Variants in TSG101 observed in about 807,000 individuals in gnomAD.
TSG101 encodes tumor susceptibility 101.
TSG101 carries 19 observed loss-of-function variants against 48.5 expected under a neutral mutation model. That is an observed-to-expected ratio of 0.39 (90% CI 0.27 to 0.58). The LOEUF is 0.58. TSG101 is among the 20% of genes least tolerant of loss of function. TSG101 has a pLI of 0.55. For synonymous variants in TSG101, 174 were observed against 169.4 expected, an observed-to-expected ratio of 1.03 and a Z score of -0.21; for missense variants, 365 against 484.4, an observed-to-expected ratio of 0.75 and a Z score of 2.31.
intron 7 of TSG101, among the ~76,000 whole-genome samples, chr11:18,488,839 T>C (rs2133906136): frequency 6.6e-6 from 1 of 152,050 alleles, no homozygotes; most frequent in Middle Eastern, 3.4e-3. Flanking sequence ...AAAAGGATGA[T>C]GGGGGGCCGG....
intron 7 of TSG101, among the ~76,000 whole-genome samples, chr11:18,484,796 G>T (rs561204948): frequency 7.9e-5 from 12 of 152,244 alleles, no homozygotes; most frequent in Middle Eastern, 6.8e-3. Context: ...ATATAAGTTT[G>T]GGTATTCTTT....
chr11:18,505,915 T>A (rs1190213479), intron 6 of TSG101, among the ~76,000 whole-genome samples: 5 of 152,000 alleles, frequency 3.3e-5, no homozygotes, highest in African/African-American at 1.2e-4. Context: ...CCTCCTGGGT[T>A]CAAGCAATTC....
At chr11:18,482,495 C>CA (rs1332165122) in intron 8 of TSG101, among the ~76,000 whole-genome samples, 1 of 152,184 alleles carries the variant, frequency 6.6e-6, no homozygotes, top group Non-Finnish European at 1.5e-5. Context: ...ACTATTCCAT[C>CA]AAAAACACAC....
chr11:18,502,056 A>G (rs1271762591), intron 7 of TSG101, among the ~76,000 whole-genome samples: 4 of 152,210 alleles, frequency 2.6e-5, no homozygotes, highest in African/African-American at 9.6e-5. Flanking sequence ...GAAGAAAATT[A>G]TATTTCAGGT....
Position 18,490,360 on chromosome 11 carries a change from A to G in TSG101, c.641-6288T>C, listed in dbSNP as rs147733177. ...TAAGACTCTTCATTCAGTGTATCCA[A>G]TTCAGTAATTGCTTCATCAAATACT... is the stretch of plus-strand genomic sequence containing the variant. On this transcript the variant is annotated intron_variant, in intron 7 of 9. Coordinates refer to ENST00000251968, the MANE Select transcript of TSG101 (RefSeq NM_006292.4). The G allele has an allele frequency of 1.0e-4, 61 of 604,088 alleles. No homozygotes were observed. The African/African-American group carries it at 1.0e-3, about 10-fold the overall frequency. 37.4% of individuals were successfully genotyped at this position (604,088 alleles called of 1,614,324 possible).
chr11:18,487,243 C>A (rs1849632373), intron 7 of TSG101, among the ~76,000 whole-genome samples: 1 of 147,626 alleles, frequency 6.8e-6, no homozygotes. Context: ...GCACATGTAC[C>A]CTAAAACTTA....
chr11:18,515,584 T>C (rs1850157187), intron 3 of TSG101, among the ~76,000 whole-genome samples: 1 of 152,242 alleles, frequency 6.6e-6, no homozygotes, highest in Non-Finnish European at 1.5e-5. Flanking sequence ...GCTTATTATA[T>C]TCCAGGCTCT....
rs1376547862 is a variant in TSG101, at chr11:18,490,948, T to C, written c.641-6876A>G. The C allele has an allele frequency of 3.4e-5, 11 of 322,448 alleles. No individual in the cohort carries two copies. In the East Asian group the frequency reaches 7.7e-4, roughly 23 times the overall value. 20.0% of individuals were successfully genotyped at this position (322,448 alleles called of 1,614,324 possible). A position where few individuals can be genotyped will look rare whatever the true frequency, so the allele number is the denominator to read the frequency against. ...TTGGCTTTCTGTACCAGCTCACTTT[T>C]ATCCAGTCGTTCCCGTGGGAGGGCT... On this transcript the variant is annotated intron_variant, in intron 7 of 9. Coordinates refer to ENST00000251968, the MANE Select transcript of TSG101 (RefSeq NM_006292.4).
intron 1 of TSG101, among the ~76,000 whole-genome samples, chr11:18,523,474 G>A (rs1212893350): frequency 6.6e-6 from 1 of 152,030 alleles, no homozygotes; most frequent in African/African-American, 2.4e-5. Flanking sequence ...AACAGTGAGG[G>A]ACATATCAAT....
intron 1 of TSG101, among the ~76,000 whole-genome samples, chr11:18,521,357 T>TC (rs1281983404): frequency 6.9e-6 from 1 of 145,384 alleles, no homozygotes; most frequent in Non-Finnish European, 1.5e-5. Context: ...CCAAACTGAT[T>TC]CCTTTTTTTT....
chr11:18,500,790 T>C (rs534787431), intron 7 of TSG101, among the ~76,000 whole-genome samples: 18 of 150,698 alleles, frequency 1.2e-4, no homozygotes, highest in African/African-American at 4.3e-4. Flanking sequence ...TTGTTGACTA[T>C]CTCCTTTGTT....
At position 18,483,971 on chromosome 11, in the gene TSG101, G is replaced by A. The variant is rs763982196; in HGVS notation, c.742C>T (p.Arg248Cys). 14 of 1,614,002 alleles carry A rather than the reference G, an allele frequency of 8.7e-6. No individual in the cohort carries two copies. The highest frequency in any genetic ancestry group is 5.3e-5 in the African/African-American group (4 of 74,902). Reference sequence around the variant, plus strand: ...AAGGCATTGAGCTCTGCCTGGGCACGATCCATTTCCTCCTTCATCCGCCAT... The same window carrying A: ...AAGGCATTGAGCTCTGCCTGGGCACAATCCATTTCCTCCTTCATCCGCCAT... ...LRWRMKEEMD[R>C]AQAELNALKR... The change falls in exon 8 of 10, where the codon CGT becomes TGT. Residue 248 changes from arginine to cysteine, a missense_variant. Coordinates refer to ENST00000251968, the MANE Select transcript of TSG101 (RefSeq NM_006292.4).
intron 7 of TSG101, among the ~76,000 whole-genome samples, chr11:18,501,271 C>T (rs1849882414): frequency 6.6e-6 from 1 of 152,160 alleles, no homozygotes; most frequent in South Asian, 2.1e-4. Context: ...AGTCTTTAAT[C>T]CATCTCAAGT....
At chr11:18,507,658 A>T (rs1355202606) in intron 5 of TSG101, 1 of 150,976 alleles carries the variant, frequency 6.6e-6, no homozygotes, top group Non-Finnish European at 1.5e-5. Context: ...ACAAAAAAAA[A>T]TAGTAAAGAA....
intron 8 of TSG101, 65 bp downstream of exon 8, chr11:18,483,803 CAT>C (rs1849581060): frequency 6.5e-7 from 1 of 1,539,662 alleles, no homozygotes; most frequent in Non-Finnish European, 8.9e-7. Flanking sequence ...ATCCAGGGAA[CAT>C]ATAGAACACT....
chr11:18,524,439 G>A lies in TSG101; in HGVS notation c.42+2336C>T, dbSNP rs144601860. On this transcript the variant is annotated intron_variant, in intron 1 of 9. Transcript: ENST00000251968. ...CAATAATGACCTTCACCCTAGCTAT[G>A]TGTTCAGGGTCCTGGCTAACAATTC... 1.4e-3 allele frequency among the ~76,000 whole-genome samples: 213 copies of A among 152,302 alleles called. 1 individual carries two copies. Among genetic ancestry groups the A allele is most frequent in the African/African-American group, 4.7e-3 (194 of 41,564 alleles).
chr11:18,499,701 G>A (rs951164730), intron 7 of TSG101, among the ~76,000 whole-genome samples: 1 of 151,534 alleles, frequency 6.6e-6, no homozygotes, highest in African/African-American at 2.4e-5. Context: ...GTGAGCCACT[G>A]TGCCTGGCCT....
At chr11:18,496,465 A>C (rs200775736) in intron 7 of TSG101, among the ~76,000 whole-genome samples, 2,166 of 137,844 alleles carry the variant, frequency 0.016, 42 homozygotes, top group East Asian at 0.068. Flanking sequence ...AATAAAATAA[A>C]ATAAAATAAA....
Position 18,523,537 on chromosome 11 carries a change from T to C in TSG101, c.42+3238A>G, listed in dbSNP as rs147969671. Among the ~76,000 whole-genome samples, 1,111 of 152,042 alleles carry C rather than the reference T, an allele frequency of 7.3e-3. 12 individuals carry two copies. The highest frequency in any genetic ancestry group is 0.026 in the African/African-American group (1,060 of 41,470). On this transcript the variant is annotated intron_variant, in intron 1 of 9. Coordinates refer to ENST00000251968, the MANE Select transcript of TSG101 (RefSeq NM_006292.4). ...TTTGTTTTTGAGATGGATTCTCGCTTTGTCACCCAGGCTGGAGTGCAGTGG... is the reference window on the plus strand; with the variant it reads ...TTTGTTTTTGAGATGGATTCTCGCTCTGTCACCCAGGCTGGAGTGCAGTGG...
Sources: allele counts gnomAD v4.1 joint callset (sites outside exome capture counted in the v4.1 genomes callset), GRCh38; gene constraint gnomAD v4.1.1; transcripts MANE v1.5; gene names NCBI Gene and HGNC (gene_info 2026-07-23, HGNC 2026-07-21).